Variants in TUBD1 observed in about 807,000 individuals in gnomAD.
TUBD1 encodes tubulin delta 1.
A neutral mutation model predicts 51.2 loss-of-function variants in TUBD1; 38 were observed. The ratio of observed to expected loss-of-function variants is 0.74; its 90% CI spans 0.57 to 0.97. TUBD1 has a LOEUF of 0.97. Among genes scored for constraint, TUBD1 ranks in the 50% least tolerant of loss-of-function variants. The pLI, the probability that TUBD1 is intolerant of heterozygous loss-of-function variation, is 0.00. For missense variants in TUBD1, 489 were observed against 538.4 expected (o/e 0.91, Z 0.91); for synonymous variants, 169 against 178.2 (o/e 0.95, Z 0.41).
rs1024130595 is a variant in TUBD1, at chr17:59,859,490, A to G, written c.*832T>C. 6.6e-6 allele frequency: 1 copy of G among 152,330 alleles called. No homozygotes were observed. Among genetic ancestry groups the G allele is most frequent in the Non-Finnish European group, 1.5e-5 (1 of 68,034 alleles). 9.4% of individuals were successfully genotyped at this position (152,330 alleles called of 1,614,324 possible). On this transcript the variant is annotated 3_prime_UTR_variant, in exon 9 of 9. Transcript: ENST00000325752. ...TACACATTTACCTATTTACTTTTGTACTTAAGCATAAGCATTTATTACCAA... is the reference window on the plus strand; with the variant it reads ...TACACATTTACCTATTTACTTTTGTGCTTAAGCATAAGCATTTATTACCAA...
At chr17:59,866,110 CAAAAA>C (rs1191579900) in intron 7 of TUBD1, among the ~76,000 whole-genome samples, 1 of 76,220 alleles carries the variant, frequency 1.3e-5, no homozygotes, top group Admixed American at 1.5e-4. Flanking sequence ...GACCCCGTCT[CAAAAA>C]AAAAAAAAAA....
At chr17:59,867,916 G>A (rs2039781750) in intron 6 of TUBD1, among the ~76,000 whole-genome samples, 1 of 151,714 alleles carries the variant, frequency 6.6e-6, no homozygotes, top group South Asian at 2.1e-4. Flanking sequence ...GGAGAGGGCT[G>A]ACCTTAACCA....
intron 8 of TUBD1, among the ~76,000 whole-genome samples, chr17:59,861,492 C>G (rs774630667): frequency 6.6e-6 from 1 of 151,964 alleles, no homozygotes; most frequent in East Asian, 1.9e-4. Context: ...AGCCACCATG[C>G]CTGGCTGCTC....
At chr17:59,886,302 A>G in intron 2 of TUBD1, 72 bp from the exon 3 acceptor site, 2 of 1,407,096 alleles carry the variant, frequency 1.4e-6, no homozygotes, top group Non-Finnish European at 9.5e-7. Flanking sequence ...GGTAACTCAG[A>G]GCATCTAAGT....
intron 8 of TUBD1, among the ~76,000 whole-genome samples, chr17:59,863,031 T>C (rs1392633141): frequency 1.3e-5 from 2 of 152,130 alleles, no homozygotes; most frequent in African/African-American, 4.8e-5. Flanking sequence ...CGGCTGATGT[T>C]ATTTTTGAAA....
rs1344560543 is a variant in TUBD1, at chr17:59,891,041, C to A, written c.-39G>T. ...CTAGGTGTATTACCTCTAAAAACAA[C>A]CTGTAATCGAAAAAAATACGCTTTG... On this transcript the variant is annotated splice_region_variant and 5_prime_UTR_variant, in exon 2 of 9. Coordinates refer to ENST00000325752, the MANE Select transcript of TUBD1 (RefSeq NM_016261.4). 6.5e-7 allele frequency: 1 copy of A among 1,535,080 alleles called. No homozygotes were observed. Among genetic ancestry groups the A allele is most frequent in the Admixed American group, 2.0e-5 (1 of 49,718 alleles).
Position 59,880,972 on chromosome 17 carries a change from G to GA in TUBD1, c.458dup (p.Val154ArgfsTer26). 1 of 1,613,962 alleles carries GA rather than the reference G, an allele frequency of 6.2e-7. No individual in the cohort carries two copies. The highest frequency in any genetic ancestry group is 8.5e-7 in the Non-Finnish European group (1 of 1,180,012). ...ACTGATCTTCTAAATTCTGTGTAAC[G>GA]AAAGCTCCTAATCCTGATCCTGTGC... On this transcript the variant is annotated frameshift_variant, in exon 4 of 9. Coordinates refer to ENST00000325752, the MANE Select transcript of TUBD1 (RefSeq NM_016261.4). LOFTEE classifies it high-confidence loss of function.
chr17:59,892,145 C>G (rs2041113636), intron 1 of TUBD1, among the ~76,000 whole-genome samples: 1 of 152,222 alleles, frequency 6.6e-6, no homozygotes, highest in South Asian at 2.1e-4. Context: ...CTTACGCTTT[C>G]TCCACTAGTC....
At chr17:59,860,489 T>TA (rs2039389873) in intron 8 of TUBD1, 65 bp from the exon 9 acceptor site, 5 of 956,212 alleles carry the variant, frequency 5.2e-6, no homozygotes, top group South Asian at 4.3e-5. Flanking sequence ...GAGTAACTCT[T>TA]AAACAATAAA....
At chr17:59,874,134 A>G (rs2040120702) in intron 6 of TUBD1, among the ~76,000 whole-genome samples, 1 of 147,334 alleles carries the variant, frequency 6.8e-6, no homozygotes, top group Non-Finnish European at 1.5e-5. Context: ...GGTTGCAGTG[A>G]GCTGAGATCA....
At chr17:59,884,261 TA>T (rs60271226) in intron 3 of TUBD1, among the ~76,000 whole-genome samples, 1,078 of 123,158 alleles carry the variant, frequency 8.8e-3, no homozygotes, top group Middle Eastern at 0.014. Context: ...ACTCTTGTCT[TA>T]AAAAAAAAAA....
At chr17:59,882,973 C>A (rs1024606931) in intron 3 of TUBD1, among the ~76,000 whole-genome samples, 1 of 149,496 alleles carries the variant, frequency 6.7e-6, no homozygotes, top group African/African-American at 2.5e-5. Flanking sequence ...TTAGTAGAGA[C>A]AGGGTTTCAC....
At chr17:59,880,806 A>G in intron 4 of TUBD1, 88 bp downstream of exon 4, 4 of 1,301,780 alleles carry the variant, frequency 3.1e-6, no homozygotes, top group Admixed American at 1.8e-5. Context: ...AAGCCACCGC[A>G]CCTGGGTGGT....
In TUBD1 at chr17:59,891,256, G is replaced by A. The variant is rs1328995984; in HGVS notation, c.-39-215C>T. Among the ~76,000 whole-genome samples, 2 of 151,812 alleles carry A rather than the reference G, an allele frequency of 1.3e-5. 1 individual carries two copies. Among genetic ancestry groups the A allele is most frequent in the African/African-American group, 4.8e-5 (2 of 41,304 alleles). On this transcript the variant is annotated intron_variant, in intron 1 of 8. Coordinates refer to ENST00000325752, the MANE Select transcript of TUBD1 (RefSeq NM_016261.4). ...AGCGATTCTCCTGCCTCAGCCTCCCGAGTAGCTGGGATTACAGGCACGTGC... is the reference window on the plus strand; with the variant it reads ...AGCGATTCTCCTGCCTCAGCCTCCCAAGTAGCTGGGATTACAGGCACGTGC...
At chr17:59,889,986 A>AG (rs923695580) in intron 2 of TUBD1, among the ~76,000 whole-genome samples, 203 of 150,508 alleles carry the variant, frequency 1.3e-3, no homozygotes, top group African/African-American at 4.8e-3. Context: ...AAAAAAAAAA[A>AG]AGAGAGACAG....
At chr17:59,872,973 G>C (rs563652582) in intron 6 of TUBD1, among the ~76,000 whole-genome samples, 62 of 152,012 alleles carry the variant, frequency 4.1e-4, no homozygotes, top group East Asian at 2.7e-3. Flanking sequence ...ATGTTGCCCA[G>C]GCTGGTCTCG....
chr17:59,888,234 C>T (rs1020826650), intron 2 of TUBD1, among the ~76,000 whole-genome samples: 1 of 152,052 alleles, frequency 6.6e-6, no homozygotes, highest in Non-Finnish European at 1.5e-5. Context: ...TGCACCCGGC[C>T]GATGTCTTTT....
At chr17:59,879,774 C>A (rs575672966) in intron 4 of TUBD1, among the ~76,000 whole-genome samples, 1 of 150,028 alleles carries the variant, frequency 6.7e-6, no homozygotes, top group Non-Finnish European at 1.5e-5. Flanking sequence ...TTTTTTAAGA[C>A]GGGAGTCTTG....
intron 2 of TUBD1, among the ~76,000 whole-genome samples, chr17:59,886,976 G>A (rs1274655017): frequency 6.6e-6 from 1 of 151,890 alleles, no homozygotes; most frequent in African/African-American, 2.4e-5. Flanking sequence ...TCTGAGGTCA[G>A]GAGTTCAAGA....
Sources: allele counts gnomAD v4.1 joint callset (sites outside exome capture counted in the v4.1 genomes callset), GRCh38; gene constraint gnomAD v4.1.1; transcripts MANE v1.5; gene names NCBI Gene and HGNC (gene_info 2026-07-23, HGNC 2026-07-21).